CCNB1IP1: variants seen among roughly 807,000 people sequenced by gnomAD.
The protein encoded by CCNB1IP1 is E3 ubiquitin-protein ligase CCNB1IP1.
In CCNB1IP1, 14 loss-of-function variants were observed where a neutral mutation model predicts 25.6. The ratio of observed to expected loss-of-function variants is 0.55; its 90% CI spans 0.36 to 0.85. CCNB1IP1 has a LOEUF of 0.85. Among genes scored for constraint, CCNB1IP1 ranks in the 40% least tolerant of loss-of-function variants. The pLI is 0.01. For missense variants in CCNB1IP1, 278 were observed against 342.4 expected, an observed-to-expected ratio of 0.81 and a Z score of 1.48; for synonymous variants, 119 against 116.1, an observed-to-expected ratio of 1.02 and a Z score of -0.16.
intron 4 of CCNB1IP1, chr14:20,318,505 A>G (rs1378284491): frequency 1.3e-5 from 2 of 151,806 alleles, no homozygotes; most frequent in Non-Finnish European, 2.9e-5. Context: ...TAATTAATTG[A>G]TAGTATTGAG....
intron 5 of CCNB1IP1, chr14:20,315,487 A>T: frequency 8.9e-7 from 1 of 1,126,124 alleles, no homozygotes; most frequent in South Asian, 2.0e-5. Flanking sequence ...CAACTTACCC[A>T]GAAAAATATA....
At chr14:20,323,917 C>CAAAAAAAAAAA (rs59156707) in intron 4 of CCNB1IP1, among the ~76,000 whole-genome samples, 1 of 73,698 alleles carries the variant, frequency 1.4e-5, no homozygotes, top group Non-Finnish European at 2.5e-5. Flanking sequence ...GACTCCGTCT[C>CAAAAAAAAAAA]AAAAAAAAAA....
chr14:20,320,182 G>A, intron 4 of CCNB1IP1: 1 of 349,182 alleles, frequency 2.9e-6, no homozygotes, highest in South Asian at 2.2e-5. Context: ...TTGTACTTAT[G>A]TCTACTCCAA....
intron 1 of CCNB1IP1, chr14:20,331,005 T>C (rs1050213302): frequency 1.6e-4 from 25 of 152,238 alleles, no homozygotes; most frequent in African/African-American, 5.8e-4. Flanking sequence ...TTGGAAAGAA[T>C]GTAATGTTTT....
intron 1 of CCNB1IP1, among the ~76,000 whole-genome samples, chr14:20,332,005 C>CATATATATATATATATGATGTGT (rs1883251359): frequency 4.4e-4 from 29 of 66,564 alleles, no homozygotes; most frequent in African/African-American, 2.2e-3. Context: ...GATGTGTATA[C>CATATATATATATATATGATGTGT]ATATATATAT....
intron 6 of CCNB1IP1, among the ~76,000 whole-genome samples, chr14:20,312,903 A>C (rs1170682339): frequency 6.6e-6 from 1 of 152,188 alleles, no homozygotes; most frequent in Non-Finnish European, 1.5e-5. Context: ...ACAAAAGAAC[A>C]AAACAACCAA....
chr14:20,315,344 T>G, intron 5 of CCNB1IP1: 1 of 299,818 alleles, frequency 3.3e-6, no homozygotes, highest in Non-Finnish European at 5.4e-6. Flanking sequence ...CAATATAAAA[T>G]GGTATAGCCA....
intron 6 of CCNB1IP1, among the ~76,000 whole-genome samples, 169 bp from the exon 7 acceptor site, chr14:20,311,921 A>T (rs914048611): frequency 6.6e-6 from 1 of 152,108 alleles, no homozygotes; most frequent in Non-Finnish European, 1.5e-5. Flanking sequence ...GAATTTTTTT[A>T]AAAAAACATT....
intron 4 of CCNB1IP1, among the ~76,000 whole-genome samples, chr14:20,319,577 T>G (rs1882827513): frequency 6.6e-6 from 1 of 152,262 alleles, no homozygotes; most frequent in Non-Finnish European, 1.5e-5. Context: ...TTCCTGGAGA[T>G]GTATCTAAGT....
intron 5 of CCNB1IP1, chr14:20,315,514 CAG>C: frequency 8.7e-7 from 1 of 1,153,642 alleles, no homozygotes; most frequent in Non-Finnish European, 1.1e-6. Flanking sequence ...AGTTACTTGA[CAG>C]ATGACAAACA....
At chr14:20,317,242 T>A (rs1167148352) in intron 4 of CCNB1IP1, among the ~76,000 whole-genome samples, 3 of 151,512 alleles carry the variant, frequency 2.0e-5, no homozygotes, top group African/African-American at 7.3e-5. Flanking sequence ...CCATCTCTAC[T>A]AAAAATACAA....
intron 4 of CCNB1IP1, among the ~76,000 whole-genome samples, chr14:20,325,235 A>C (rs1323877317): frequency 2.0e-5 from 3 of 150,730 alleles, no homozygotes; most frequent in Admixed American, 6.6e-5. Context: ...TCCCGGCTAA[A>C]ACGGTGAAAC....
intron 1 of CCNB1IP1, chr14:20,330,641 C>T (rs962567672): frequency 5.9e-5 from 9 of 152,526 alleles, no homozygotes; most frequent in African/African-American, 1.7e-4. Flanking sequence ...AGTGCAATGG[C>T]GCGATCTCGG....
chr14:20,321,879 T>C (rs1882907286), intron 4 of CCNB1IP1, among the ~76,000 whole-genome samples: 1 of 152,236 alleles, frequency 6.6e-6, no homozygotes, highest in South Asian at 2.1e-4. Context: ...CTTTCAATAT[T>C]TGGATTTTTA....
chr14:20,322,593 CA>C (rs1882928193), intron 4 of CCNB1IP1, among the ~76,000 whole-genome samples: 1 of 149,852 alleles, frequency 6.7e-6, no homozygotes, highest in African/African-American at 2.5e-5. Context: ...CTTCATACTG[CA>C]AAGAAAAGTT....
intron 2 of CCNB1IP1, among the ~76,000 whole-genome samples, chr14:20,327,972 A>G (rs1883127101): frequency 6.6e-6 from 1 of 152,228 alleles, no homozygotes; most frequent in Non-Finnish European, 1.5e-5. Flanking sequence ...ATTACTCAAT[A>G]GCTAAATTGG....
intron 4 of CCNB1IP1, among the ~76,000 whole-genome samples, chr14:20,319,588 TAATA>T (rs1882827804): frequency 6.6e-6 from 1 of 152,210 alleles, no homozygotes; most frequent in Non-Finnish European, 1.5e-5. Flanking sequence ...GTATCTAAGT[TAATA>T]AATACTTAAC....
chr14:20,327,792 T>C (rs1883121002), intron 2 of CCNB1IP1, among the ~76,000 whole-genome samples: 1 of 151,924 alleles, frequency 6.6e-6, no homozygotes, highest in South Asian at 2.1e-4. Context: ...TACCACCAAA[T>C]AAGTAGTAGA....
chr14:20,320,122 C>G (rs903311424), intron 4 of CCNB1IP1, among the ~76,000 whole-genome samples: 1 of 152,218 alleles, frequency 6.6e-6, no homozygotes, highest in Non-Finnish European at 1.5e-5. Flanking sequence ...ATATGACATG[C>G]AAACATAAGT....
Sources: allele counts gnomAD v4.1 joint callset (sites outside exome capture counted in the v4.1 genomes callset), GRCh38; gene constraint gnomAD v4.1.1; transcripts MANE v1.5; gene names NCBI Gene and HGNC (gene_info 2026-07-23, HGNC 2026-07-21).